The following CMSS1 variants were observed in gnomAD, a reference collection of about 807,000 sequenced individuals.
CMSS1 encodes the protein protein CMSS1.
Under a neutral mutation model 43.5 loss-of-function variants are expected in CMSS1, and 33 were observed. That is an observed-to-expected ratio of 0.76 (90% confidence interval 0.57 to 1.01). The LOEUF is 1.01. Ranked by LOEUF, CMSS1 falls within the 50% of genes least tolerant of loss-of-function variation. CMSS1 has a pLI of 0.00. For missense variants in CMSS1, 313 were observed against 326.4 expected, an observed-to-expected ratio of 0.96 and a Z score of 0.32; for synonymous variants, 115 against 117.2, an observed-to-expected ratio of 0.98 and a Z score of 0.12.
At chr3:100,108,161 A>T (rs1055403790) in intron 1 of CMSS1, among the ~76,000 whole-genome samples, 1 of 152,136 alleles carries the variant, frequency 6.6e-6, no homozygotes, top group African/African-American at 2.4e-5. Flanking sequence ...TTTCTAGCCC[A>T]TGGCTTCTTA....
At chr3:99,892,250 C>G (rs1268396263) in intron 1 of CMSS1, among the ~76,000 whole-genome samples, 1 of 152,162 alleles carries the variant, frequency 6.6e-6, no homozygotes, top group Non-Finnish European at 1.5e-5. Flanking sequence ...GTATGGAGAA[C>G]CATGTAATGT....
intron 1 of CMSS1, among the ~76,000 whole-genome samples, chr3:99,974,324 A>G (rs1435592656): frequency 1.3e-5 from 2 of 152,202 alleles, no homozygotes; most frequent in African/African-American, 2.4e-5. Context: ...AGGGATCACA[A>G]CAGGATTTTT....
chr3:100,046,498 A>G (rs1239924787), intron 1 of CMSS1, among the ~76,000 whole-genome samples: 2 of 151,456 alleles, frequency 1.3e-5, no homozygotes, highest in African/African-American at 4.9e-5. Flanking sequence ...AGCTTGTTGT[A>G]TATACAGAGA....
At chr3:100,147,331 CA>C (rs2066862521) in intron 2 of CMSS1, among the ~76,000 whole-genome samples, 1 of 137,122 alleles carries the variant, frequency 7.3e-6, no homozygotes, top group Non-Finnish European at 1.5e-5. Context: ...AGTACAGTGG[CA>C]CAATCATGGC....
chr3:99,981,896 C>T (rs1394817950), intron 1 of CMSS1, among the ~76,000 whole-genome samples: 11 of 152,128 alleles, frequency 7.2e-5, no homozygotes, highest in African/African-American at 2.2e-4. Flanking sequence ...CCCAGCAAGG[C>T]GGGAGGATCG....
intron 1 of CMSS1, among the ~76,000 whole-genome samples, chr3:99,972,906 G>C (rs996799426): frequency 3.9e-4 from 60 of 152,196 alleles, no homozygotes; most frequent in African/African-American, 1.3e-3. Context: ...TGTTGTGAGA[G>C]GGTTTGTTAC....
intron 1 of CMSS1, among the ~76,000 whole-genome samples, chr3:99,990,591 A>G (rs957221733): frequency 3.3e-5 from 5 of 152,158 alleles, no homozygotes; most frequent in African/African-American, 1.2e-4. Context: ...CCTCTAAATA[A>G]TACCAATTCT....
intron 1 of CMSS1, among the ~76,000 whole-genome samples, chr3:100,064,410 T>G (rs965036566): frequency 6.6e-6 from 1 of 152,080 alleles, no homozygotes; most frequent in African/African-American, 2.4e-5. Flanking sequence ...TTTTTTTTTT[T>G]CAACATTAAA....
At chr3:99,823,445 A>G (rs1273558377) in intron 1 of CMSS1, among the ~76,000 whole-genome samples, 3 of 152,224 alleles carry the variant, frequency 2.0e-5, no homozygotes, top group Non-Finnish European at 4.4e-5. Context: ...AATTTCACAA[A>G]GGCCTAGCAG....
chr3:100,094,440 T>A (rs982113570), intron 1 of CMSS1, among the ~76,000 whole-genome samples: 19 of 152,174 alleles, frequency 1.2e-4, no homozygotes, highest in Admixed American at 1.2e-3. Flanking sequence ...TTTGATACAG[T>A]GTAACTTATC....
intron 1 of CMSS1, among the ~76,000 whole-genome samples, chr3:100,066,926 T>A (rs139135350): frequency 2.7e-4 from 41 of 152,324 alleles, no homozygotes; most frequent in Non-Finnish European, 4.4e-4. Context: ...ACTTGTTTTC[T>A]CACAGGATAT....
At chr3:100,059,059 T>C (rs2065514953) in intron 1 of CMSS1, among the ~76,000 whole-genome samples, 1 of 152,208 alleles carries the variant, frequency 6.6e-6, no homozygotes, top group African/African-American at 2.4e-5. Flanking sequence ...ACCTTTAGGG[T>C]AATTTCTCTT....
rs1708766654 is a variant in CMSS1 at position 99,969,983 on chromosome 3, A to G, written c.64+151940A>G. On this transcript the variant is annotated intron_variant, in intron 1 of 9. Coordinates refer to ENST00000421999, the MANE Select transcript of CMSS1 (RefSeq NM_032359.4). ...CAAATGAGGCTGTTACATCAGAGGCATTAGGGAGTAATGGTTTAGAAGCAT... is the reference window on the plus strand; with the variant it reads ...CAAATGAGGCTGTTACATCAGAGGCGTTAGGGAGTAATGGTTTAGAAGCAT... Among the ~76,000 whole-genome samples, 3 of 152,246 alleles carry G rather than the reference A, an allele frequency of 2.0e-5. No individual in the cohort carries two copies. In the South Asian group the frequency reaches 6.2e-4, roughly 32 times the overall value.
rs75580214 is a variant in CMSS1, at chr3:100,015,846, A to C, written c.65-131127A>C. ...TGTAAAATAATCTCTATCACATATGATCATTGTAGGGAATAATGAGGCGAT... is the reference window on the plus strand; with the variant it reads ...TGTAAAATAATCTCTATCACATATGCTCATTGTAGGGAATAATGAGGCGAT... On this transcript the variant is annotated intron_variant, in intron 1 of 9. Coordinates refer to ENST00000421999, the MANE Select transcript of CMSS1 (RefSeq NM_032359.4). Among the ~76,000 whole-genome samples the C allele has an allele frequency of 4.5e-3, 689 of 152,338 alleles. 7 individuals are homozygous for C. Among genetic ancestry groups the C allele is most frequent in the African/African-American group, 0.016 (675 of 41,582 alleles).
At chr3:99,880,158 A>C (rs1254761666) in intron 1 of CMSS1, among the ~76,000 whole-genome samples, 1 of 152,122 alleles carries the variant, frequency 6.6e-6, no homozygotes, top group African/African-American at 2.4e-5. Flanking sequence ...GCCAAAGGGG[A>C]TGTCTGTGGT....
chr3:99,936,221 A>C (rs1407379818), intron 1 of CMSS1, among the ~76,000 whole-genome samples: 1 of 152,032 alleles, frequency 6.6e-6, no homozygotes, highest in African/African-American at 2.4e-5. Flanking sequence ...GAGGTAGCCA[A>C]GCAAAACTAC....
intron 4 of CMSS1, among the ~76,000 whole-genome samples, chr3:100,164,576 A>C (rs1388576337): frequency 6.6e-6 from 1 of 152,180 alleles, no homozygotes; most frequent in Non-Finnish European, 1.5e-5. Context: ...ACAGGTTTTT[A>C]TTTTTAGTTA....
At chr3:100,126,316 T>C (rs1361811307) in intron 1 of CMSS1, among the ~76,000 whole-genome samples, 1 of 152,246 alleles carries the variant, frequency 6.6e-6, no homozygotes, top group Non-Finnish European at 1.5e-5. Flanking sequence ...CCTAGTTTTG[T>C]TTAATAATCA....
At chr3:99,992,378 G>A (rs1709550301) in intron 1 of CMSS1, among the ~76,000 whole-genome samples, 1 of 151,864 alleles carries the variant, frequency 6.6e-6, no homozygotes, top group South Asian at 2.1e-4. Flanking sequence ...TGATATAAGG[G>A]AGTATCTTAT....
Sources: allele counts gnomAD v4.1 joint callset (sites outside exome capture counted in the v4.1 genomes callset), GRCh38; gene constraint gnomAD v4.1.1; transcripts MANE v1.5; gene names NCBI Gene and HGNC (gene_info 2026-07-23, HGNC 2026-07-21).